Variants in SLC35B4 observed in about 807,000 individuals in gnomAD.
SLC35B4 encodes solute carrier family 35 member B4.
Under a neutral mutation model 39.5 loss-of-function variants are expected in SLC35B4, and 28 were observed. The observed-to-expected ratio is 0.71, with a 90% CI of 0.53 to 0.97. The LOEUF is 0.97. Ranked by LOEUF, SLC35B4 falls within the 50% of genes least tolerant of loss-of-function variation. The pLI is 0.00. For missense variants in SLC35B4, 334 were observed against 414.3 expected, an observed-to-expected ratio of 0.81 and a Z score of 1.68; for synonymous variants, 145 against 150.4, an observed-to-expected ratio of 0.96 and a Z score of 0.26.
intron 6 of SLC35B4, among the ~76,000 whole-genome samples, chr7:134,300,463 T>C (rs1457363519): frequency 6.6e-6 from 1 of 152,240 alleles, no homozygotes; most frequent in Admixed American, 6.5e-5. Flanking sequence ...TTCATTTATG[T>C]AAATTTTTTT....
rs572118448 is a variant in SLC35B4, at chr7:134,315,418, T to A, written c.77+1257A>T. On this transcript the variant is annotated intron_variant, in intron 1 of 9. Transcript: ENST00000378509. The stretch of plus-strand genomic sequence containing the variant: ...AAATATGAAACTTTTTGAGCACTGA[T>A]ATGATGCCACAAGTGAAAATTCCAC... Among the ~76,000 whole-genome samples, 8 of 152,306 alleles carry A rather than the reference T, an allele frequency of 5.3e-5. No individual in the cohort carries two copies. In the East Asian group the frequency reaches 1.5e-3, roughly 29 times the overall value.
chr7:134,319,415 C>T (rs181948546), upstream of SLC35B4, among the ~76,000 whole-genome samples: 12 of 152,290 alleles, frequency 7.9e-5, no homozygotes, highest in East Asian at 2.3e-3. Context: ...AGACATGAGT[C>T]TCCTGTTTCT....
chr7:134,317,459 A>G (rs1804013997), upstream of SLC35B4, among the ~76,000 whole-genome samples: 1 of 152,206 alleles, frequency 6.6e-6, no homozygotes, highest in South Asian at 2.1e-4. Context: ...ACCCCCAGCG[A>G]TTCTGATTTA....
chr7:134,304,226 CA>C (rs1309075933), intron 4 of SLC35B4, among the ~76,000 whole-genome samples: 2 of 151,744 alleles, frequency 1.3e-5, no homozygotes, highest in East Asian at 3.9e-4. Flanking sequence ...CAATCTCTAC[CA>C]AAAATACAAA....
chr7:134,316,603 C>G, intron 1 of SLC35B4, 72 bp downstream of exon 1: 1 of 1,493,944 alleles, frequency 6.7e-7, no homozygotes, highest in South Asian at 1.2e-5. Flanking sequence ...GGGCGCGTCC[C>G]GGGGGGACCT....
chr7:134,314,287 CAA>C (rs1465968152), intron 1 of SLC35B4, among the ~76,000 whole-genome samples: 1 of 152,148 alleles, frequency 6.6e-6, no homozygotes, highest in Non-Finnish European at 1.5e-5. Context: ...CTTCATCCTT[CAA>C]AACTCTGTGA....
At chr7:134,298,475 A>G (rs1193303525) in intron 8 of SLC35B4, among the ~76,000 whole-genome samples, 1 of 152,222 alleles carries the variant, frequency 6.6e-6, no homozygotes, top group Admixed American at 6.5e-5. Context: ...TCTGTAAAAC[A>G]TTTTATCATA....
intron 1 of SLC35B4, among the ~76,000 whole-genome samples, chr7:134,310,637 C>A (rs1464703002): frequency 1.3e-5 from 2 of 151,816 alleles, no homozygotes; most frequent in African/African-American, 2.4e-5. Context: ...CTCCGCCTCC[C>A]GGGTTCGTGC....
rs78064532 is a variant in SLC35B4, at chr7:134,312,767, C to T, written c.78-3288G>A. 3.9e-5 allele frequency among the ~76,000 whole-genome samples: 6 copies of T among 152,254 alleles called. No individual in the cohort carries two copies. In the East Asian group the frequency reaches 5.8e-4, roughly 15 times the overall value. ...GCCCATTTCATTCCATTTCTAAAGACGCTGAGGGTCCCATTGCACTGCGTC... is the reference window on the plus strand; with the variant it reads ...GCCCATTTCATTCCATTTCTAAAGATGCTGAGGGTCCCATTGCACTGCGTC... On this transcript the variant is annotated intron_variant, in intron 1 of 9. Coordinates refer to ENST00000378509, the MANE Select transcript of SLC35B4 (RefSeq NM_032826.5).
chr7:134,296,176 G>C (rs1355007552), intron 9 of SLC35B4, among the ~76,000 whole-genome samples: 3 of 152,098 alleles, frequency 2.0e-5, no homozygotes, highest in African/African-American at 7.2e-5. Context: ...ACTTCCTCCT[G>C]CTGCCCTGTG....
chr7:134,299,736 T>G (rs1017066463), intron 7 of SLC35B4, 138 bp from the exon 8 acceptor site: 46 of 689,050 alleles, frequency 6.7e-5, no homozygotes, highest in Non-Finnish European at 7.4e-6. Flanking sequence ...AAGTTAAATG[T>G]ATACAGTGCT....
At chr7:134,318,076 C>T (rs1646738), upstream of SLC35B4, among the ~76,000 whole-genome samples, 17,048 of 152,044 alleles carry the variant, frequency 0.11, 2,518 homozygotes, top group African/African-American at 0.33. Flanking sequence ...AAGTCTTTCT[C>T]GAGATCTACA....
At chr7:134,309,573 G>A (rs530847326) in intron 1 of SLC35B4, 94 bp from the exon 2 acceptor site, 601 of 792,040 alleles carry the variant, frequency 7.6e-4, no homozygotes, top group Admixed American at 1.3e-3. Context: ...GAATAACAGC[G>A]TGGATGGATT....
chr7:134,300,739 G>T (rs1369361255), intron 6 of SLC35B4, among the ~76,000 whole-genome samples: 1 of 152,110 alleles, frequency 6.6e-6, no homozygotes, highest in South Asian at 2.1e-4. Context: ...TGGAATTACT[G>T]AGTCAAAGGC....
At chr7:134,317,154 G>C, upstream of SLC35B4, 1 of 194,320 alleles carries the variant, frequency 5.1e-6, no homozygotes, top group Non-Finnish European at 1.1e-5. Context: ...CAAAGCGTCA[G>C]TGTTTCTTGC....
intron 2 of SLC35B4, among the ~76,000 whole-genome samples, chr7:134,307,777 G>A (rs995931770): frequency 5.9e-5 from 9 of 152,278 alleles, no homozygotes; most frequent in Non-Finnish European, 1.0e-4. Context: ...TAGGTGTGGA[G>A]CCATACACCA....
At chr7:134,318,134 T>C (rs980022484), upstream of SLC35B4, among the ~76,000 whole-genome samples, 1 of 152,222 alleles carries the variant, frequency 6.6e-6, no homozygotes, top group Non-Finnish European at 1.5e-5. Context: ...GGAGATCACA[T>C]TGGAATCATC....
At chr7:134,317,044 C>T, upstream of SLC35B4, 1 of 380,666 alleles carries the variant, frequency 2.6e-6, no homozygotes, top group Non-Finnish European at 4.8e-6. Context: ...GCGACGTTCC[C>T]GCTTCCGCCA....
upstream of SLC35B4, among the ~76,000 whole-genome samples, chr7:134,317,456 G>A (rs184689306): frequency 3.9e-4 from 60 of 152,262 alleles, no homozygotes; most frequent in African/African-American, 1.4e-3. Context: ...CCCACCCCCA[G>A]CGATTCTGAT....
Sources: gnomAD v4.1 joint callset for allele counts (sites outside exome capture counted in the v4.1 genomes callset) on GRCh38, gnomAD v4.1.1 for gene constraint, MANE v1.5 for transcripts, NCBI Gene and HGNC (gene_info 2026-07-23, HGNC 2026-07-21) for gene names.